Variants in MIER3 observed in about 807,000 individuals in gnomAD.
MIER3 encodes the protein mesoderm induction early response protein 3.
In MIER3, 9 loss-of-function variants were observed where a neutral mutation model predicts 63.2. The observed-to-expected ratio is 0.14, with a 90% CI of 0.09 to 0.25. The LOEUF (loss-of-function observed/expected upper bound fraction) is 0.25. Ranked by LOEUF, MIER3 falls within the 10% of genes least tolerant of loss-of-function variation. The probability of loss-of-function intolerance (pLI) is 1.00; values close to 1 mark genes in which losing one functional copy is unlikely to be tolerated. For synonymous variants in MIER3, 205 were observed against 224.9 expected, an observed-to-expected ratio of 0.91 and a Z score of 0.79; for missense variants, 512 against 666.2, an observed-to-expected ratio of 0.77 and a Z score of 2.55.
intron 3 of MIER3, among the ~76,000 whole-genome samples, chr5:56,946,182 A>C (rs1350485269): frequency 6.6e-6 from 1 of 152,208 alleles, no homozygotes; most frequent in Non-Finnish European, 1.5e-5. Flanking sequence ...CTTTTCAAGA[A>C]AAAGAGGTAT....
chr5:56,946,862 T>C (rs1750841454), intron 3 of MIER3, 64 bp downstream of exon 3: 3 of 1,243,742 alleles, frequency 2.4e-6, no homozygotes, highest in Non-Finnish European at 3.2e-6. Flanking sequence ...GGTAGATTAT[T>C]TTTAAAATTA....
chr5:56,930,232 G>A (rs1475954811), intron 9 of MIER3, among the ~76,000 whole-genome samples: 2 of 150,536 alleles, frequency 1.3e-5, no homozygotes, highest in Non-Finnish European at 2.9e-5. Flanking sequence ...GTTATTACAT[G>A]ATTACTAAAA....
Position 56,933,442 on chromosome 5 carries a change from A to G in MIER3, c.596-44T>C, listed in dbSNP as rs201831641. 4.6e-6 allele frequency: 7 copies of G among 1,533,922 alleles called. No homozygotes were observed. In the African/African-American group the frequency reaches 5.6e-5, roughly 12 times the overall value. ...TTAACACATTAAAAATCATGAACGC[A>G]CTCAAAGATGTACACAAACAATTCT... On this transcript the variant is annotated intron_variant, in intron 7 of 12. Transcript: ENST00000381199.
At chr5:56,947,475 T>C (rs552972367) in intron 2 of MIER3, among the ~76,000 whole-genome samples, 53 of 152,272 alleles carry the variant, frequency 3.5e-4, no homozygotes, top group African/African-American at 1.3e-3. Flanking sequence ...TTCACAAGAA[T>C]CGACTATACA....
intron 1 of MIER3, among the ~76,000 whole-genome samples, chr5:56,951,675 C>T (rs1022862862): frequency 6.6e-6 from 1 of 151,680 alleles, no homozygotes; most frequent in Non-Finnish European, 1.5e-5. Context: ...GCAGCCCGCT[C>T]CCCTCTTTGC....
Position 56,920,783 on chromosome 5 carries a change from A to T in MIER3, c.*2345T>A, listed in dbSNP as rs1346040207. 6.6e-6 allele frequency: 1 copy of T among 152,356 alleles called. No homozygotes were observed. The allele number at this position is 152,356 out of a possible 1,614,324, so 9.4% of individuals were successfully genotyped here. A position where few individuals can be genotyped will look rare whatever the true frequency, so the allele number is the denominator to read the frequency against. The stretch of plus-strand genomic sequence containing the variant: ...AAGTAGTCAGAAAATATTGAATTAG[A>T]TCTAAAAAGATATGAAGAATTTACA... On this transcript the variant is annotated 3_prime_UTR_variant, in exon 13 of 13. Transcript: ENST00000381199.
At chr5:56,947,492 T>G (rs1454909405) in intron 2 of MIER3, among the ~76,000 whole-genome samples, 6 of 152,182 alleles carry the variant, frequency 3.9e-5, no homozygotes, top group Admixed American at 3.3e-4. Context: ...TACACTAAGA[T>G]GCACACTTCA....
rs1749754439 is a variant in MIER3, at chr5:56,923,138, T to G, written c.1643A>C (p.His548Pro). The change falls in exon 13 of 13, where the codon CAC becomes CCC. Residue 548 changes from histidine to proline, a missense_variant. Transcript: ENST00000381199. ...GGATCCTCACTCAGGTCACTCAGAG[T>G]GTAGGGCCGCGTGCTGATGCAGAGC... is the stretch of plus-strand genomic sequence containing the variant. ...AHALHQHAALHSE is the reference protein window; with the variant it reads ...AHALHQHAALPSE 1.2e-6 allele frequency: 2 copies of G among 1,613,468 alleles called. No homozygotes were observed. Among genetic ancestry groups the G allele is most frequent in the South Asian group, 2.2e-5 (2 of 91,070 alleles).
chr5:56,935,736 T>C lies in MIER3; in HGVS notation c.452A>G (p.Asp151Gly). 1 of 1,613,806 alleles carries C rather than the reference T, an allele frequency of 6.2e-7. No individual in the cohort carries two copies. The highest frequency in any genetic ancestry group is 8.5e-7 in the Non-Finnish European group (1 of 1,179,848). Residue 151 changes from aspartate (D) to glycine (G), a missense_variant, in exon 6 of 13, where the codon GAT becomes GGT. This residue lies in a region of MIER3 where 44 missense variants were observed against 87.6 expected (regional missense o/e 0.50). Coordinates refer to ENST00000381199, the MANE Select transcript of MIER3 (RefSeq NM_001297599.2). ...PRPLRSNTAC[D>G]GDKESEVEDV... is the part of the protein sequence containing the mutation. ...TTCAACCTCTGATTCCTTATCACCATCACATGCAGTATTTGCTTAAAAGAC... is the reference window on the plus strand; with the variant it reads ...TTCAACCTCTGATTCCTTATCACCACCACATGCAGTATTTGCTTAAAAGAC...
chr5:56,947,240 AAT>A, intron 2 of MIER3, 169 bp from the exon 3 acceptor site: 1 of 623,582 alleles, frequency 1.6e-6, no homozygotes, highest in East Asian at 3.5e-5. Flanking sequence ...TGATTCTGAA[AAT>A]ATGTCTAAAT....
Position 56,952,111 on chromosome 5 carries a change from CT to C in MIER3, c.-10del. On this transcript the variant is annotated 5_prime_UTR_variant, in exon 1 of 13. Transcript: ENST00000381199. ...CTGCTCACCTCCGCCATATTGGTAC[CT>C]TTAGGGCGAACGAGCAGCGCCGAGC... 1.5e-6 allele frequency: 2 copies of C among 1,292,270 alleles called. No individual in the cohort carries two copies. The highest frequency in any genetic ancestry group is 1.9e-5 in the South Asian group (1 of 53,150). 80.1% of individuals were successfully genotyped at this position (1,292,270 alleles called of 1,614,324 possible). A position where few individuals can be genotyped will look rare whatever the true frequency, so the allele number is the denominator to read the frequency against.
At chr5:56,925,499 C>T (rs1749924609) in intron 10 of MIER3, 1 of 276,718 alleles carries the variant, frequency 3.6e-6, no homozygotes, top group South Asian at 3.4e-5. Context: ...AAACACAAGA[C>T]CATTTACATT....
chr5:56,940,337 A>C (rs879507865), intron 3 of MIER3, among the ~76,000 whole-genome samples: 1 of 152,226 alleles, frequency 6.6e-6, no homozygotes. Flanking sequence ...ATAATCCGTA[A>C]AGCAAACAAC....
At chr5:56,941,039 G>A in intron 3 of MIER3, 2 of 985,390 alleles carry the variant, frequency 2.0e-6, no homozygotes, top group Non-Finnish European at 2.4e-6. Flanking sequence ...CATTTACTCA[G>A]TTCTAAGTGC....
intron 8 of MIER3, 62 bp downstream of exon 8, chr5:56,933,185 A>G (rs979394268): frequency 1.4e-6 from 2 of 1,448,830 alleles, no homozygotes; most frequent in Non-Finnish European, 1.8e-6. Flanking sequence ...ATCTGTATCA[A>G]ATATAAGAAA....
At chr5:56,936,029 C>T (rs1476733551) in intron 5 of MIER3, among the ~76,000 whole-genome samples, 1 of 151,928 alleles carries the variant, frequency 6.6e-6, no homozygotes, top group African/African-American at 2.4e-5. Flanking sequence ...GAGTTTAAGA[C>T]CAGCCTGGCC....
intron 7 of MIER3, among the ~76,000 whole-genome samples, chr5:56,933,710 C>T (rs1750351394): frequency 6.6e-6 from 1 of 152,174 alleles, no homozygotes; most frequent in South Asian, 2.1e-4. Context: ...TTATACTCTT[C>T]TAATGAAGGG....
intron 5 of MIER3, 47 bp from the exon 6 acceptor site, chr5:56,935,798 A>T: frequency 7.1e-7 from 1 of 1,410,410 alleles, no homozygotes; most frequent in Non-Finnish European, 1.0e-6. Context: ...ATTTTTGCAG[A>T]ACCTGGAAGA....
intron 5 of MIER3, 82 bp from the exon 6 acceptor site, chr5:56,935,833 T>C: frequency 2.9e-6 from 3 of 1,026,720 alleles, no homozygotes; most frequent in South Asian, 1.4e-5. Flanking sequence ...TTACAAAATG[T>C]TGTTAAATAT....
Sources: allele counts gnomAD v4.1 joint callset (sites outside exome capture counted in the v4.1 genomes callset), GRCh38; gene constraint gnomAD v4.1.1; regional missense constraint gnomAD v4.1.1; transcripts MANE v1.5; gene names NCBI Gene and HGNC (gene_info 2026-07-23, HGNC 2026-07-21).